The following G6PD variants were observed in gnomAD, a reference collection of about 807,000 sequenced individuals.
G6PD encodes glucose-6-phosphate 1-dehydrogenase.
G6PD carries 2 observed loss-of-function variants against 38.2 expected under a neutral mutation model. That is an observed-to-expected ratio of 0.05 (90% CI 0.02 to 0.16). The LOEUF is 0.16. Ranked by LOEUF, G6PD falls within the 10% of genes least tolerant of loss-of-function variation. G6PD has a pLI of 1.00. For missense variants in G6PD, 310 were observed against 471.6 expected (o/e 0.66, Z 3.17); for synonymous variants, 188 against 196.0 (o/e 0.96, Z 0.34).
At chrX:154,546,930 T>G (rs2070747909), upstream of G6PD, 3 of 563,800 alleles carry the variant, frequency 5.3e-6, no homozygotes, top group Non-Finnish European at 4.8e-6. Flanking sequence ...AGGCGAGGCG[T>G]GCGGGGCGGG....
At chrX:154,534,688 G>A (rs1034069001) in intron 5 of G6PD, among the ~76,000 whole-genome samples, 192 bp from the exon 6 acceptor site, 45 of 110,886 alleles carry the variant, frequency 4.1e-4, no homozygotes, top group African/African-American at 1.4e-3. Context: ...TCCCACCCTG[G>A]GTGCCAGGGT....
chrX:154,533,768 G>C (rs1557230117), intron 7 of G6PD, 99 bp from the exon 8 acceptor site: 1 of 1,185,600 alleles, frequency 8.4e-7, no homozygotes, highest in South Asian at 1.8e-5. Context: ...GTGACAAGCT[G>C]CAAGACTCAC....
At chrX:154,547,529 C>T (rs1557233927), upstream of G6PD, 3 of 753,951 alleles carry the variant, frequency 4.0e-6, no homozygotes, top group Non-Finnish European at 4.7e-6. Context: ...CGGGATGCGG[C>T]CCTACCGCGG....
upstream of G6PD, chrX:154,547,293 G>A (rs1371620120): frequency 1.3e-6 from 1 of 746,335 alleles, no homozygotes; most frequent in African/African-American, 2.3e-5. Flanking sequence ...CCACTCCCCC[G>A]GGAACCCTCG....
chrX:154,546,264 C>T lies in G6PD; in HGVS notation c.-8-101G>A, dbSNP rs782257245. 9.5e-6 allele frequency: 10 copies of T among 1,057,936 alleles called. No individual in the cohort carries two copies. In the Admixed American group the frequency reaches 2.0e-4, roughly 21 times the overall value. 87.2% of individuals were successfully genotyped at this position (1,057,936 alleles called of 1,213,427 possible). The stretch of plus-strand genomic sequence containing the variant: ...CCTCTGGGGTCTCACACCAGGGTGA[C>T]ACCTGATTGCCCAAATCACTCCTTG... On this transcript the variant is annotated intron_variant, in intron 1 of 12. Coordinates refer to ENST00000393562, the MANE Select transcript of G6PD (RefSeq NM_001360016.2).
intron 2 of G6PD, among the ~76,000 whole-genome samples, chrX:154,539,729 CTTTT>C (rs1206155101): frequency 6.7e-5 from 7 of 105,196 alleles, no homozygotes; most frequent in African/African-American, 2.4e-4. Context: ...ACATGTATTT[CTTTT>C]TTTTTTTGAG....
chrX:154,544,848 G>A (rs782046317), intron 2 of G6PD, among the ~76,000 whole-genome samples: 4 of 112,426 alleles, frequency 3.6e-5, no homozygotes, highest in South Asian at 3.6e-4. Flanking sequence ...GTGTGACAGC[G>A]CGTTGTTCTA....
rs2148331303 is a variant in G6PD at position 154,535,239 on chromosome X, G to A, written c.414C>T (p.Phe138=). The A allele has an allele frequency of 1.7e-6, 2 of 1,212,087 alleles. No homozygotes were observed. The highest frequency in any genetic ancestry group is 2.3e-4 in the Middle Eastern group (1 of 4,310). Residue 138 remains phenylalanine, a synonymous_variant, in exon 5 of 13, where the codon TTC becomes TTT. Coordinates refer to ENST00000393562, the MANE Select transcript of G6PD (RefSeq NM_001360016.2). ...AGACGGTCGGGGGCAAGGCCAGGTAGAAGAGGCGGTTGGCCTGTGACCCCA... is the reference window on the plus strand; with the variant it reads ...AGACGGTCGGGGGCAAGGCCAGGTAAAAGAGGCGGTTGGCCTGTGACCCCA... ...LHLGSQANRL[F]YLALPPTVYE...
chrX:154,541,700 C>G (rs1258033423), intron 2 of G6PD, among the ~76,000 whole-genome samples: 1 of 112,408 alleles, frequency 8.9e-6, no homozygotes, highest in Non-Finnish European at 1.9e-5. Context: ...AGGACCACAG[C>G]AGGGGAGGGA....
intron 5 of G6PD, 45 bp from the exon 6 acceptor site, chrX:154,534,541 G>C: frequency 8.3e-7 from 1 of 1,198,651 alleles, no homozygotes; most frequent in Non-Finnish European, 1.1e-6. Flanking sequence ...ACCCCTCTTC[G>C]GGGAGTGAGG....
At chrX:154,538,903 A>C (rs1365261476) in intron 2 of G6PD, among the ~76,000 whole-genome samples, 5 of 110,131 alleles carry the variant, frequency 4.5e-5, no homozygotes, top group South Asian at 3.8e-4. Flanking sequence ...CCTGAGCAAC[A>C]GAGCTAGACG....
At chrX:154,536,243 T>C in intron 2 of G6PD, 65 bp from the exon 3 acceptor site, 2 of 1,072,739 alleles carry the variant, frequency 1.9e-6, no homozygotes, top group Non-Finnish European at 2.6e-6. Context: ...TACATCATCC[T>C]CCACCCTTGG....
At chrX:154,541,342 AACCG>A (rs1295400924) in intron 2 of G6PD, 1 of 111,623 alleles carries the variant, frequency 9.0e-6, no homozygotes, top group African/African-American at 3.3e-5. Context: ...CAGGCCCTGC[AACCG>A]ACCGACCGTC....
In G6PD at chrX:154,534,170, G is replaced by C; in HGVS notation, c.645-10C>G. ...GATCCTGTTGGCAAATCTGCAGGGA[G>C]GGGCAAGGTGGAGGAACTGACCTTG... On this transcript the variant is annotated splice_polypyrimidine_tract_variant and intron_variant, in intron 6 of 12. Transcript: ENST00000393562. 8.3e-7 allele frequency: 1 copy of C among 1,211,992 alleles called. No homozygotes were observed. The highest frequency in any genetic ancestry group is 1.1e-6 in the Non-Finnish European group (1 of 895,534).
intron 2 of G6PD, among the ~76,000 whole-genome samples, chrX:154,538,764 T>G (rs2070439789): frequency 9.0e-6 from 1 of 110,886 alleles, no homozygotes; most frequent in African/African-American, 3.3e-5. Flanking sequence ...CCATTTCTAC[T>G]AAAAATACAA....
chrX:154,546,892 G>C, upstream of G6PD: 1 of 950,577 alleles, frequency 1.1e-6, no homozygotes, highest in Non-Finnish European at 1.4e-6. Context: ...GGGCGGGGGC[G>C]GGCGCCTGGG....
intron 4 of G6PD, 75 bp downstream of exon 4, chrX:154,535,862 G>T: frequency 1.2e-6 from 1 of 852,387 alleles, no homozygotes; most frequent in Non-Finnish European, 1.7e-6. Context: ...ATGGGGGGAG[G>T]TCCCCGAAGC....
upstream of G6PD, chrX:154,546,985 G>A: frequency 3.8e-6 from 1 of 263,480 alleles, no homozygotes; most frequent in Non-Finnish European, 6.2e-6. Flanking sequence ...GGCGAGGGCA[G>A]GTGCGCGCGC....
intron 6 of G6PD, 63 bp downstream of exon 6, chrX:154,534,275 G>A: frequency 3.3e-6 from 4 of 1,203,268 alleles, no homozygotes; most frequent in Non-Finnish European, 4.5e-6. Flanking sequence ...GGGAGGCAGT[G>A]GGCCAGGTGA....
Sources: allele counts gnomAD v4.1 joint callset (sites outside exome capture counted in the v4.1 genomes callset), GRCh38; gene constraint gnomAD v4.1.1; transcripts MANE v1.5; gene names NCBI Gene and HGNC (gene_info 2026-07-23, HGNC 2026-07-21).